LRR1: variants seen among roughly 807,000 people sequenced by gnomAD.
The protein encoded by LRR1 is leucine rich repeat protein 1.
Under a neutral mutation model 31.6 loss-of-function variants are expected in LRR1, and 29 were observed. The observed-to-expected ratio is 0.92, with a 90% CI of 0.68 to 1.25. The LOEUF (loss-of-function observed/expected upper bound fraction) is 1.25. LRR1 is among the 50% of genes most tolerant of loss of function. The pLI is 0.00. For missense variants in LRR1, 485 were observed against 487.2 expected, an observed-to-expected ratio of 1.00 and a Z score of 0.04; for synonymous variants, 179 against 181.4, an observed-to-expected ratio of 0.99 and a Z score of 0.10.
At chr14:49,612,440 G>A (rs1328027732) in intron 3 of LRR1, 2 of 1,201,894 alleles carry the variant, frequency 1.7e-6, no homozygotes, top group African/African-American at 1.6e-5. Context: ...AGAAAATACA[G>A]TTTTTAACTG....
At chr14:49,599,851 C>A in intron 1 of LRR1, 2 of 374,118 alleles carry the variant, frequency 5.3e-6, no homozygotes, top group South Asian at 1.2e-4. Context: ...CGAGGGGAGT[C>A]GCTGCTTGGG....
intron 3 of LRR1, among the ~76,000 whole-genome samples, chr14:49,611,016 T>C (rs57178302): frequency 0.24 from 36,311 of 151,962 alleles, 4,704 homozygotes; most frequent in African/African-American, 0.31. Flanking sequence ...GTTAAGGAAC[T>C]GGAAAACTGT....
chr14:49,602,828 T>TTTTG (rs749038139), intron 2 of LRR1, among the ~76,000 whole-genome samples: 80 of 151,944 alleles, frequency 5.3e-4, no homozygotes, highest in Non-Finnish European at 7.9e-4. Context: ...TGCTTGCTTT[T>TTTTG]TTTGTTTGTT....
At chr14:49,600,166 T>C in intron 1 of LRR1, 1 of 1,483,140 alleles carries the variant, frequency 6.7e-7, no homozygotes. Context: ...AAGCAGTACC[T>C]CCTAGGACTC....
At chr14:49,613,784 G>C (rs1404937638) in intron 3 of LRR1, among the ~76,000 whole-genome samples, 1 of 152,194 alleles carries the variant, frequency 6.6e-6, no homozygotes, top group African/African-American at 2.4e-5. Flanking sequence ...CTGCACTCTA[G>C]CCTGGGTGTC....
chr14:49,599,346 C>A, intron 1 of LRR1, 143 bp downstream of exon 1: 1 of 917,964 alleles, frequency 1.1e-6, no homozygotes, highest in South Asian at 1.8e-5. Context: ...TTGAGACCTA[C>A]CATCAGCCCG....
intron 1 of LRR1, chr14:49,600,953 A>G: frequency 1.9e-6 from 3 of 1,562,800 alleles, no homozygotes; most frequent in Non-Finnish European, 1.7e-6. Context: ...GACCATACAC[A>G]TTTCTGCACA....
At chr14:49,609,348 C>T (rs1469882645) in intron 3 of LRR1, among the ~76,000 whole-genome samples, 1 of 149,774 alleles carries the variant, frequency 6.7e-6, no homozygotes, top group Non-Finnish European at 1.5e-5. Context: ...GCCTCAGCCT[C>T]CTGAGTAGCT....
chr14:49,601,222 TA>T (rs1352349441), intron 1 of LRR1: 7 of 1,448,604 alleles, frequency 4.8e-6, no homozygotes, highest in African/African-American at 1.4e-5. Flanking sequence ...TGTGCTTTCT[TA>T]AAAAAAATCA....
At chr14:49,606,901 C>T (rs536364641) in intron 2 of LRR1, among the ~76,000 whole-genome samples, 1 of 152,322 alleles carries the variant, frequency 6.6e-6, no homozygotes, top group Non-Finnish European at 1.5e-5. Flanking sequence ...AAGTGATCCA[C>T]CTGCCTCGGC....
chr14:49,603,646 T>C lies in LRR1; in HGVS notation c.282+1178T>C, dbSNP rs756411227. 51 of 1,048,430 alleles carry C rather than the reference T, an allele frequency of 4.9e-5. 1 individual carries two copies. The Middle Eastern group carries it at 8.9e-4, about 18-fold the overall frequency. The allele number at this position is 1,048,430 out of a possible 1,614,324, so 64.9% of individuals were successfully genotyped here. On this transcript the variant is annotated intron_variant, in intron 2 of 3. Transcript: ENST00000298288. ...GGGTGCCACCACTCCTGGCGAATTT[T>C]TGTCTACTGTGCCTGGCCCTTACTG...
At chr14:49,602,550 A>T in intron 2 of LRR1, 82 bp downstream of exon 2, 1 of 1,174,174 alleles carries the variant, frequency 8.5e-7, no homozygotes, top group Non-Finnish European at 1.2e-6. Flanking sequence ...TCTGTCACCC[A>T]AGCTGAAGTA....
chr14:49,604,712 C>T (rs758508980), intron 2 of LRR1, among the ~76,000 whole-genome samples: 1 of 151,976 alleles, frequency 6.6e-6, no homozygotes, highest in Admixed American at 6.6e-5. Context: ...TTCAGGGCTT[C>T]GGTGAACTAT....
At chr14:49,603,421 A>G (rs894124516) in intron 2 of LRR1, 1 of 196,678 alleles carries the variant, frequency 5.1e-6, no homozygotes, top group Admixed American at 6.2e-5. Context: ...TTTGCCAGCT[A>G]AACCACAGGT....
At chr14:49,599,960 G>A (rs1881984054) in intron 1 of LRR1, 2 of 1,542,162 alleles carry the variant, frequency 1.3e-6, no homozygotes, top group Admixed American at 3.8e-5. Flanking sequence ...GGCTCCGGGG[G>A]GACCATGCCC....
rs775020794 is a variant in LRR1 at position 49,607,623 on chromosome 14, T to A, written c.506T>A (p.Val169Asp). The A allele has an allele frequency of 1.2e-6, 2 of 1,614,196 alleles. No individual in the cohort carries two copies. The highest frequency in any genetic ancestry group is 1.7e-6 in the Non-Finnish European group (2 of 1,180,032). ...ACTTCTTACTGTGGGCTTGTCCGAG[T>A]TGATATGCGTATGCTTTGCTTAAAA... ...LQTSYCGLVR[V>D]DMRMLCLKSL... The change falls in exon 3 of 4, where the codon GTT becomes GAT. Residue 169 changes from valine (V) to aspartate (D), a missense_variant. Coordinates refer to ENST00000298288, the MANE Select transcript of LRR1 (RefSeq NM_152329.4).
intron 1 of LRR1, chr14:49,600,962 C>G: frequency 6.4e-7 from 1 of 1,573,276 alleles, no homozygotes; most frequent in Admixed American, 1.8e-5. Context: ...CATTTCTGCA[C>G]AGCCCTTACA....
intron 2 of LRR1, among the ~76,000 whole-genome samples, chr14:49,606,315 C>A (rs1173298377): frequency 2.0e-5 from 3 of 151,950 alleles, no homozygotes; most frequent in African/African-American, 7.3e-5. Context: ...GCGTGAGCCA[C>A]CAGTCCCAGC....
At position 49,607,643 on chromosome 14, in the gene LRR1, T is replaced by C. The variant is rs35174395; in HGVS notation, c.526T>C (p.Leu176=). 1.4e-3 allele frequency: 2,247 copies of C among 1,614,064 alleles called. 43 individuals are homozygous for C. The African/African-American group carries it at 0.026, about 19-fold the overall frequency. ...CCGAGTTGATATGCGTATGCTTTGC[T>C]TAAAAAGCCTTAGGAAATTAGACTT... is the stretch of plus-strand genomic sequence containing the variant. ...LVRVDMRMLC[L]KSLRKLDLSH... The change falls in exon 3 of 4, where the codon TTA becomes CTA. Residue 176 remains leucine, a synonymous_variant. Transcript: ENST00000298288.
Sources: allele counts gnomAD v4.1 joint callset (sites outside exome capture counted in the v4.1 genomes callset), GRCh38; gene constraint gnomAD v4.1.1; transcripts MANE v1.5; gene names NCBI Gene and HGNC (gene_info 2026-07-23, HGNC 2026-07-21).